The following GPR158 variants were observed in gnomAD, a reference collection of about 807,000 sequenced individuals.
GPR158 encodes the protein metabotropic glycine receptor.
In GPR158, 30 loss-of-function variants were observed where a neutral mutation model predicts 78.2. The ratio of observed to expected loss-of-function variants is 0.38; its 90% CI spans 0.29 to 0.52. The LOEUF (loss-of-function observed/expected upper bound fraction) is 0.52, where lower values mean the gene tolerates loss of function less well. Among genes scored for constraint, GPR158 ranks in the 20% least tolerant of loss-of-function variants. The pLI is 0.83. For synonymous variants in GPR158, 581 were observed against 591.1 expected (o/e 0.98, Z 0.25); for missense variants, 1,463 against 1,523.5 (o/e 0.96, Z 0.66).
At chr10:25,345,782 A>T in intron 2 of GPR158, among the ~76,000 whole-genome samples, 1 of 151,952 alleles carries the variant, frequency 6.6e-6, no homozygotes, top group Non-Finnish European at 1.5e-5. Flanking sequence ...GAAACCAAGG[A>T]AGAAATTGCC....
intron 5 of GPR158, among the ~76,000 whole-genome samples, chr10:25,533,277 A>G (rs768350655): frequency 2.1e-4 from 32 of 152,232 alleles, no homozygotes; most frequent in Non-Finnish European, 4.1e-4. Flanking sequence ...GTGGACTAGT[A>G]TTAGCAGCCC....
chr10:25,181,641 G>A (rs920053946), intron 1 of GPR158, among the ~76,000 whole-genome samples: 1 of 152,204 alleles, frequency 6.6e-6, no homozygotes, highest in Non-Finnish European at 1.5e-5. Context: ...ACTGTAAATT[G>A]AGAAGGTTGG....
In GPR158 at chr10:25,293,511, T is replaced by C. The variant is rs553063127; in HGVS notation, c.1008+72354T>C. ...AAAGGGTTAGCCATTCTATTGTTAT[T>C]GCTGGTGGTGGTATTTTTGGAGGCA... On this transcript the variant is annotated intron_variant, in intron 2 of 10. Transcript: ENST00000376351. Among the ~76,000 whole-genome samples, 50 of 152,320 alleles carry C rather than the reference T, an allele frequency of 3.3e-4. No individual in the cohort carries two copies. In the South Asian group the frequency reaches 0.01, roughly 32 times the overall value.
chr10:25,226,541 A>G (rs1367756157), intron 2 of GPR158, among the ~76,000 whole-genome samples: 1 of 152,224 alleles, frequency 6.6e-6, no homozygotes, highest in Non-Finnish European at 1.5e-5. Context: ...ACTATTTTTA[A>G]TGCCATTATT....
intron 5 of GPR158, among the ~76,000 whole-genome samples, chr10:25,520,828 G>A (rs566915299): frequency 6.6e-6 from 1 of 152,344 alleles, no homozygotes; most frequent in East Asian, 1.9e-4. Context: ...GTTTGTCTGT[G>A]CCCTGCCCCC....
At chr10:25,466,383 C>G (rs1431273425) in intron 4 of GPR158, 8 of 343,204 alleles carry the variant, frequency 2.3e-5, no homozygotes, top group Non-Finnish European at 3.7e-5. Context: ...GTGTTCTTAG[C>G]TGCTCAGGCT....
At chr10:25,496,023 C>A (rs1321993103) in intron 5 of GPR158, among the ~76,000 whole-genome samples, 1 of 152,006 alleles carries the variant, frequency 6.6e-6, no homozygotes, top group Admixed American at 6.6e-5. Flanking sequence ...TTATGACAAC[C>A]AAAAATATCT....
intron 7 of GPR158, among the ~76,000 whole-genome samples, chr10:25,574,875 A>T (rs1284267294): frequency 6.6e-6 from 1 of 152,102 alleles, no homozygotes; most frequent in African/African-American, 2.4e-5. Flanking sequence ...ACAGAGTGAG[A>T]CTTTGTCTCA....
intron 4 of GPR158, among the ~76,000 whole-genome samples, chr10:25,446,431 A>C (rs959960061): frequency 1.3e-5 from 2 of 152,194 alleles, no homozygotes; most frequent in Non-Finnish European, 2.9e-5. Context: ...ATTGAAAAAT[A>C]GGAGGGTTTG....
intron 4 of GPR158, among the ~76,000 whole-genome samples, chr10:25,419,504 A>G (rs1003135186): frequency 7.9e-5 from 12 of 152,182 alleles, no homozygotes; most frequent in Admixed American, 3.9e-4. Flanking sequence ...TTCTTTTGCT[A>G]TATACCTAGT....
At chr10:25,188,505 C>T (rs1322718490) in intron 1 of GPR158, among the ~76,000 whole-genome samples, 1 of 152,148 alleles carries the variant, frequency 6.6e-6, no homozygotes, top group East Asian at 1.9e-4. Flanking sequence ...TGATCTTTGA[C>T]AAACCTGACA....
At chr10:25,499,065 C>A (rs956455911) in intron 5 of GPR158, among the ~76,000 whole-genome samples, 1 of 152,134 alleles carries the variant, frequency 6.6e-6, no homozygotes, top group Non-Finnish European at 1.5e-5. Context: ...GCAGAAACAT[C>A]TCAGTTCTGT....
intron 1 of GPR158, among the ~76,000 whole-genome samples, chr10:25,201,146 T>C (rs1852922790): frequency 6.6e-6 from 1 of 152,170 alleles, no homozygotes; most frequent in Admixed American, 6.6e-5. Context: ...GCATGGAATA[T>C]TTTTCCATTT....
intron 2 of GPR158, among the ~76,000 whole-genome samples, chr10:25,258,395 A>C (rs1421964130): frequency 1.3e-5 from 2 of 152,074 alleles, no homozygotes; most frequent in Non-Finnish European, 2.9e-5. Context: ...ACCTTGTTTT[A>C]ATTATTTTTG....
intron 2 of GPR158, among the ~76,000 whole-genome samples, chr10:25,345,834 G>T (rs918521939): frequency 1.3e-5 from 2 of 151,900 alleles, no homozygotes; most frequent in Non-Finnish European, 2.9e-5. Flanking sequence ...AAAGCCCCCA[G>T]ACGAGGTCTA....
chr10:25,410,993 C>T (rs912680294), intron 3 of GPR158, among the ~76,000 whole-genome samples: 2 of 152,162 alleles, frequency 1.3e-5, no homozygotes, highest in African/African-American at 4.8e-5. Flanking sequence ...GAACCTCTTT[C>T]CCAAATTCCT....
intron 2 of GPR158, among the ~76,000 whole-genome samples, chr10:25,254,752 C>T (rs948228898): frequency 2.6e-5 from 4 of 152,156 alleles, no homozygotes; most frequent in Admixed American, 2.6e-4. Flanking sequence ...GAGACTGAAA[C>T]TTCTTTTTGA....
At chr10:25,314,905 T>TAC (rs34451547) in intron 2 of GPR158, among the ~76,000 whole-genome samples, 3,557 of 137,358 alleles carry the variant, frequency 0.026, 126 homozygotes, top group African/African-American at 0.082. Context: ...AGTTTACACA[T>TAC]ACACACACAC....
intron 2 of GPR158, among the ~76,000 whole-genome samples, chr10:25,261,690 G>C (rs1223233407): frequency 6.6e-6 from 1 of 152,120 alleles, no homozygotes; most frequent in East Asian, 1.9e-4. Context: ...TTGTCTTTTT[G>C]AGTAATGCAT....
Sources: allele counts gnomAD v4.1 joint callset (sites outside exome capture counted in the v4.1 genomes callset), GRCh38; gene constraint gnomAD v4.1.1; transcripts MANE v1.5; gene names NCBI Gene and HGNC (gene_info 2026-07-23, HGNC 2026-07-21).